Variants in PRRC2C observed in about 807,000 individuals in gnomAD.
PRRC2C encodes proline rich coiled-coil 2C.
PRRC2C carries 72 observed loss-of-function variants against 317.2 expected under a neutral mutation model. The ratio of observed to expected loss-of-function variants is 0.23; its 90% CI spans 0.19 to 0.28. PRRC2C has a LOEUF of 0.28. Among genes scored for constraint, PRRC2C ranks in the 10% least tolerant of loss-of-function variants. The probability of loss-of-function intolerance (pLI) is 1.00; values close to 1 mark genes in which losing one functional copy is unlikely to be tolerated. For missense variants in PRRC2C, 3,074 were observed against 3,459.7 expected, an observed-to-expected ratio of 0.89 and a Z score of 2.80; for synonymous variants, 1,296 against 1,205.9, an observed-to-expected ratio of 1.07 and a Z score of -1.55.
chr1:171,487,005 G>T (rs1381236125), intron 1 of PRRC2C, among the ~76,000 whole-genome samples: 1 of 152,152 alleles, frequency 6.6e-6, no homozygotes, highest in Non-Finnish European at 1.5e-5. Flanking sequence ...CTTGAATTTT[G>T]TCTTTAGCAT....
intron 25 of PRRC2C, among the ~76,000 whole-genome samples, chr1:171,576,301 C>T (rs941040754): frequency 1.3e-5 from 2 of 152,104 alleles, no homozygotes; most frequent in Non-Finnish European, 2.9e-5. Context: ...CCAACTAACC[C>T]GTTTCCCCAG....
At chr1:171,514,444 A>G (rs1205370750) in intron 3 of PRRC2C, 92 bp from the exon 4 acceptor site, 1 of 1,010,562 alleles carries the variant, frequency 9.9e-7, no homozygotes, top group African/African-American at 1.7e-5. Context: ...CATATAGCCA[A>G]AATAATTTGT....
intron 1 of PRRC2C, among the ~76,000 whole-genome samples, chr1:171,497,023 T>G (rs1226776831): frequency 6.6e-6 from 1 of 152,142 alleles, no homozygotes; most frequent in African/African-American, 2.4e-5. Flanking sequence ...ACTCCATTGC[T>G]CAAGCTATCC....
At chr1:171,566,443 G>A (rs1264030958) in intron 21 of PRRC2C, 22 bp downstream of exon 21, 8 of 1,530,556 alleles carry the variant, frequency 5.2e-6, no homozygotes, top group Non-Finnish European at 7.0e-6. Context: ...TTATAATCCA[G>A]ATAAAATTTT....
chr1:171,492,568 G>C (rs1667344767), intron 1 of PRRC2C, among the ~76,000 whole-genome samples: 1 of 151,900 alleles, frequency 6.6e-6, no homozygotes, highest in Admixed American at 6.6e-5. Flanking sequence ...TCCTGGGAGT[G>C]GGGGACTAAC....
At chr1:171,497,355 C>T (rs1668313512) in intron 1 of PRRC2C, among the ~76,000 whole-genome samples, 1 of 152,172 alleles carries the variant, frequency 6.6e-6, no homozygotes, top group South Asian at 2.1e-4. Flanking sequence ...CACTTTCCAG[C>T]TCTGTGTGTT....
intron 11 of PRRC2C, among the ~76,000 whole-genome samples, chr1:171,530,230 A>G (rs1385502983): frequency 6.9e-6 from 1 of 144,442 alleles, no homozygotes; most frequent in Non-Finnish European, 1.5e-5. Context: ...CTGACGAAGG[A>G]CTTGTAGCTG....
chr1:171,572,564 T>A (rs1333055857), intron 24 of PRRC2C, among the ~76,000 whole-genome samples: 2 of 152,208 alleles, frequency 1.3e-5, no homozygotes, highest in African/African-American at 4.8e-5. Flanking sequence ...ATCATAAAAT[T>A]TTATAAGACA....
chr1:171,535,494 A>G lies in PRRC2C; in HGVS notation c.1940A>G (p.His647Arg). The G allele has an allele frequency of 6.2e-7, 1 of 1,614,024 alleles. No homozygotes were observed. The highest frequency in any genetic ancestry group is 8.5e-7 in the Non-Finnish European group (1 of 1,179,876). ...GAAAAGGAAGCCACACCAGTGGTGC[A>G]TGAAACAGAACCAGAATCAGGGTCT... ...RSEKEATPVV[H>R]ETEPESGSQP... is the part of the protein sequence containing the mutation. The change falls in exon 13 of 35, where the codon CAT (histidine) becomes CGT (arginine). Residue 647 changes from histidine to arginine, a missense_variant. His to Arg is a conservative substitution (Grantham distance 29, BLOSUM62 0). This residue lies in a region of PRRC2C where 1,320 missense variants were observed against 1,395.7 expected (regional missense o/e 0.95). Coordinates refer to ENST00000647382, the MANE Select transcript of PRRC2C (RefSeq NM_001387844.1).
At chr1:171,580,389 C>A (rs901038681) in intron 28 of PRRC2C, among the ~76,000 whole-genome samples, 1 of 152,114 alleles carries the variant, frequency 6.6e-6, no homozygotes, top group Admixed American at 6.5e-5. Flanking sequence ...GGGTAAATAT[C>A]AAAGCATGGA....
Position 171,558,597 on chromosome 1 carries a change from G to A in PRRC2C, c.6031+454G>A, listed in dbSNP as rs539868233. Among the ~76,000 whole-genome samples, 30 of 152,218 alleles carry A rather than the reference G, an allele frequency of 2.0e-4. No homozygotes were observed. The South Asian group carries it at 5.8e-3, about 29-fold the overall frequency. Reference sequence around the variant, plus strand: ...ATGGTGGTCAGTTATCTTTGATATTGTAATTGTTTCAGGGTACCATGAACA... The same window carrying A: ...ATGGTGGTCAGTTATCTTTGATATTATAATTGTTTCAGGGTACCATGAACA... On this transcript the variant is annotated intron_variant, in intron 19 of 34. Coordinates refer to ENST00000647382, the MANE Select transcript of PRRC2C (RefSeq NM_001387844.1).
intron 1 of PRRC2C, among the ~76,000 whole-genome samples, chr1:171,488,156 T>G (rs1666465612): frequency 6.6e-6 from 1 of 152,238 alleles, no homozygotes; most frequent in Non-Finnish European, 1.5e-5. Flanking sequence ...AACTTGTGTT[T>G]TGGATGCTAT....
At chr1:171,573,099 T>C (rs1236046985) in intron 24 of PRRC2C, among the ~76,000 whole-genome samples, 1 of 152,202 alleles carries the variant, frequency 6.6e-6, no homozygotes, top group African/African-American at 2.4e-5. Context: ...TTCTAAAGTG[T>C]ATGAGAAAAA....
At chr1:171,539,078 C>T (rs1360311938) in intron 15 of PRRC2C, among the ~76,000 whole-genome samples, 1 of 151,484 alleles carries the variant, frequency 6.6e-6, no homozygotes, top group East Asian at 1.9e-4. Flanking sequence ...CTCAGCTCAC[C>T]GCAACCTCCG....
chr1:171,580,437 A>G (rs17586576), intron 28 of PRRC2C, among the ~76,000 whole-genome samples: 18,996 of 152,186 alleles, frequency 0.12, 1,587 homozygotes, highest in South Asian at 0.35. Flanking sequence ...TGAAGAAAGC[A>G]TTTTTTCCAA....
intron 1 of PRRC2C, among the ~76,000 whole-genome samples, chr1:171,508,462 C>A (rs1166402734): frequency 6.6e-6 from 1 of 152,140 alleles, no homozygotes; most frequent in Non-Finnish European, 1.5e-5. Context: ...ATATATTAAA[C>A]CAATCTTGCA....
In PRRC2C at chr1:171,587,122, A is replaced by C. The variant is rs780810735; in HGVS notation, c.7869A>C (p.Ala2623=). 8 of 1,611,548 alleles carry C rather than the reference A, an allele frequency of 5.0e-6. No individual in the cohort carries two copies. In the Admixed American group the frequency reaches 6.7e-5, roughly 13 times the overall value. Residue 2623 remains alanine (A), a synonymous_variant, in exon 31 of 35, where the codon GCA becomes GCC. Coordinates refer to ENST00000647382, the MANE Select transcript of PRRC2C (RefSeq NM_001387844.1). Reference sequence around the variant, plus strand: ...CATTACAGCATACCACTCCCCAAGCACAGGCTCAGAGTCTGAGTCGTCCTG... The same window carrying C: ...CATTACAGCATACCACTCCCCAAGCCCAGGCTCAGAGTCTGAGTCGTCCTG... ...QPPLQHTTPQ[A]QAQSLSRPAQ... is the part of the protein sequence containing the mutation.
intron 11 of PRRC2C, among the ~76,000 whole-genome samples, chr1:171,528,270 G>A (rs1405057053): frequency 6.7e-6 from 1 of 148,586 alleles, no homozygotes; most frequent in African/African-American, 2.5e-5. Context: ...CTATTTCTCT[G>A]TTCTCCATCA....
intron 1 of PRRC2C, among the ~76,000 whole-genome samples, chr1:171,500,001 T>A (rs1167119357): frequency 6.6e-6 from 1 of 152,204 alleles, no homozygotes; most frequent in East Asian, 1.9e-4. Flanking sequence ...TGTAAAACAC[T>A]TGTAGAGTAT....
Sources: gnomAD v4.1 joint callset for allele counts (sites outside exome capture counted in the v4.1 genomes callset) on GRCh38, gnomAD v4.1.1 for gene constraint, gnomAD v4.1.1 regional missense constraint, MANE v1.5 for transcripts, NCBI Gene and HGNC (gene_info 2026-07-23, HGNC 2026-07-21) for gene names.